Variants in PTGR1 observed in about 807,000 individuals in gnomAD.
PTGR1 encodes 15-oxoprostaglandin 13-reductase.
Under a neutral mutation model 37.7 loss-of-function variants are expected in PTGR1, and 23 were observed. The observed-to-expected ratio is 0.61, with a 90% CI of 0.44 to 0.86. The LOEUF (loss-of-function observed/expected upper bound fraction) is 0.86. Ranked by LOEUF, PTGR1 falls within the 40% of genes least tolerant of loss-of-function variation. The pLI, the probability that PTGR1 is intolerant of heterozygous loss-of-function variation, is 0.00. For missense variants in PTGR1, 351 were observed against 394.3 expected (o/e 0.89, Z 0.93); for synonymous variants, 134 against 140.0 (o/e 0.96, Z 0.30).
At position 111,563,462 on chromosome 9, in the gene PTGR1, T is replaced by C. The variant is rs1236706875; in HGVS notation, c.880-231A>G. The stretch of plus-strand genomic sequence containing the variant: ...AGAAGAAATAATAGGTGTCGGATCA[T>C]AGTGCGAAATGTCATAAGGCAGTGA... On this transcript the variant is annotated intron_variant, in intron 9 of 9. Transcript: ENST00000407693. The C allele has an allele frequency of 5.0e-5, 20 of 403,992 alleles. No homozygotes were observed. In the East Asian group the frequency reaches 7.1e-4, roughly 14 times the overall value. 25.0% of individuals were successfully genotyped at this position (403,992 alleles called of 1,614,324 possible).
At chr9:111,561,170 AGAGAGAGAAAGAG>A (rs1564608192), downstream of PTGR1, among the ~76,000 whole-genome samples, 1 of 140,506 alleles carries the variant, frequency 7.1e-6, no homozygotes, top group Admixed American at 7.2e-5. Flanking sequence ...AGAGAGAGAG[AGAGAGAGAAAGAG>A]AGAGAGATTC....
At chr9:111,550,248 A>G (rs944268365) in intron 9 of PTGR1, among the ~76,000 whole-genome samples, 1 of 152,220 alleles carries the variant, frequency 6.6e-6, no homozygotes, top group Admixed American at 6.5e-5. Flanking sequence ...CCAGAAAAAC[A>G]GGTTTCATCC....
At chr9:111,582,957 G>C (rs184701565) in intron 6 of PTGR1, among the ~76,000 whole-genome samples, 11 of 152,332 alleles carry the variant, frequency 7.2e-5, no homozygotes, top group Admixed American at 2.6e-4. Context: ...CATCAGATTG[G>C]ATCCCTTGAG....
rs568930890 is a variant in PTGR1 at position 111,571,139 on chromosome 9, T to G, written c.761-930A>C. 6.7e-5 allele frequency among the ~76,000 whole-genome samples: 10 copies of G among 149,912 alleles called. No homozygotes were observed. In the South Asian group the frequency reaches 1.9e-3, roughly 29 times the overall value. On this transcript the variant is annotated intron_variant, in intron 8 of 9. Coordinates refer to ENST00000407693, the MANE Select transcript of PTGR1 (RefSeq NM_001146108.2). ...ACAAGAATAAGTGTGTGGGGTCGGGTGCGTGGCTCATGCCTATAATCCAGC... is the reference window on the plus strand; with the variant it reads ...ACAAGAATAAGTGTGTGGGGTCGGGGGCGTGGCTCATGCCTATAATCCAGC...
chr9:111,568,964 C>T (rs557973621), intron 9 of PTGR1, among the ~76,000 whole-genome samples: 14 of 152,048 alleles, frequency 9.2e-5, no homozygotes, highest in South Asian at 6.2e-4. Flanking sequence ...GACATGGGTA[C>T]GACAGAAAGA....
chr9:111,578,003 G>C (rs910666123), intron 7 of PTGR1, among the ~76,000 whole-genome samples: 8 of 152,100 alleles, frequency 5.3e-5, no homozygotes, highest in Middle Eastern at 3.4e-3. Flanking sequence ...CGTTTTTTGG[G>C]GGGGGTGATG....
chr9:111,567,465 G>A (rs1404387352), intron 9 of PTGR1, among the ~76,000 whole-genome samples: 2 of 152,194 alleles, frequency 1.3e-5, no homozygotes, highest in African/African-American at 4.8e-5. Context: ...GATTACAAGT[G>A]TGAACCACCG....
chr9:111,587,493 G>A (rs1465898607), intron 4 of PTGR1, among the ~76,000 whole-genome samples: 1 of 152,150 alleles, frequency 6.6e-6, no homozygotes, highest in Non-Finnish European at 1.5e-5. Flanking sequence ...TCGCTCTGTT[G>A]CCTGGCTGGG....
intron 3 of PTGR1, among the ~76,000 whole-genome samples, chr9:111,593,937 T>G (rs1329344128): frequency 1.4e-5 from 2 of 146,192 alleles, no homozygotes; most frequent in African/African-American, 5.1e-5. Context: ...TTTTCCTTCT[T>G]TTTTTTTTTT....
chr9:111,592,564 TTG>T lies in PTGR1; in HGVS notation c.209+360_209+361del, dbSNP rs534165689. 45 of 178,762 alleles carry T rather than the reference TTG, an allele frequency of 2.5e-4. No individual in the cohort carries two copies. In the East Asian group the frequency reaches 5.5e-3, roughly 22 times the overall value. 11.1% of individuals were successfully genotyped at this position (178,762 alleles called of 1,614,324 possible). ...GCCCCTGGACCCAGCTTTCACTATC[TTG>T]TGTGTGTCTATTATTTCTCAACCTG... On this transcript the variant is annotated intron_variant, in intron 4 of 9. Coordinates refer to ENST00000407693, the MANE Select transcript of PTGR1 (RefSeq NM_001146108.2).
In PTGR1 at chr9:111,594,283, T is replaced by C. The variant is rs767609944; in HGVS notation, c.107-16A>G. ...AGCAGGACCTCTACAAAATAAAGCATTCCATAGGCAATTAGAAACTCAAGG... is the reference window on the plus strand; with the variant it reads ...AGCAGGACCTCTACAAAATAAAGCACTCCATAGGCAATTAGAAACTCAAGG... On this transcript the variant is annotated splice_polypyrimidine_tract_variant and intron_variant, in intron 2 of 9. Transcript: ENST00000407693. The C allele has an allele frequency of 4.3e-5, 70 of 1,610,792 alleles. No homozygotes were observed. The highest frequency in any genetic ancestry group is 1.4e-4 in the South Asian group (13 of 91,012).
rs139684617 is a variant in PTGR1 at position 111,570,493 on chromosome 9, T to C, written c.761-284A>G. On this transcript the variant is annotated intron_variant, in intron 8 of 9. Coordinates refer to ENST00000407693, the MANE Select transcript of PTGR1 (RefSeq NM_001146108.2). ...CAGATATGATTAAGAAGTTTGGGGG[T>C]GGCGCGGTGGCTCACACCTGTAATC... is the stretch of plus-strand genomic sequence containing the variant. Among the ~76,000 whole-genome samples the C allele has an allele frequency of 9.0e-3, 1,372 of 151,678 alleles. 21 individuals are homozygous for C. Among genetic ancestry groups the C allele is most frequent in the African/African-American group, 0.031 (1,302 of 41,338 alleles).
intron 7 of PTGR1, chr9:111,575,403 G>T (rs1054200536): frequency 3.3e-5 from 5 of 152,222 alleles, no homozygotes; most frequent in African/African-American, 1.2e-4. Flanking sequence ...GAGGTTCTCT[G>T]ATCAGTCCAA....
At chr9:111,557,126 G>T (rs1292043067) in intron 9 of PTGR1, among the ~76,000 whole-genome samples, 1 of 152,130 alleles carries the variant, frequency 6.6e-6, no homozygotes, top group Non-Finnish European at 1.5e-5. Flanking sequence ...CAGCATTTCC[G>T]CAGCCTTCTT....
At chr9:111,596,299 G>A (rs1022422489) in intron 2 of PTGR1, among the ~76,000 whole-genome samples, 3 of 152,158 alleles carry the variant, frequency 2.0e-5, no homozygotes, top group Non-Finnish European at 4.4e-5. Context: ...ATTAGCAAAC[G>A]TGGCACAAGT....
chr9:111,568,590 G>A (rs1828678225), intron 9 of PTGR1, among the ~76,000 whole-genome samples: 1 of 152,144 alleles, frequency 6.6e-6, no homozygotes, highest in South Asian at 2.1e-4. Flanking sequence ...TGAAGCATGT[G>A]ATCTTTGTGA....
intron 2 of PTGR1, among the ~76,000 whole-genome samples, chr9:111,595,699 T>C (rs956944599): frequency 6.6e-6 from 1 of 152,156 alleles, no homozygotes; most frequent in Non-Finnish European, 1.5e-5. Flanking sequence ...AGTGGCGCGA[T>C]CTTGGCTCAC....
intron 8 of PTGR1, among the ~76,000 whole-genome samples, chr9:111,571,229 T>C (rs574789844): frequency 1.5e-4 from 22 of 149,258 alleles, no homozygotes; most frequent in African/African-American, 4.8e-4. Context: ...CTGGCCAACA[T>C]GGTGAAACCC....
rs1829070668 is a variant in PTGR1 at position 111,576,680 on chromosome 9, G to A, written c.652-1838C>T. The A allele has an allele frequency of 1.1e-5, 4 of 359,208 alleles. No individual in the cohort carries two copies. In the East Asian group the frequency reaches 1.8e-4, roughly 16 times the overall value. The allele number at this position is 359,208 out of a possible 1,614,324, so 22.3% of individuals were successfully genotyped here. A position where few individuals can be genotyped will look rare whatever the true frequency, so the allele number is the denominator to read the frequency against. ...GTCTATGTGAGATATGTGCAAACAT[G>A]TACATATTTCCCCTAGAAGCAATGG... On this transcript the variant is annotated intron_variant, in intron 7 of 9. Transcript: ENST00000407693.
Sources: gnomAD v4.1 joint callset for allele counts (sites outside exome capture counted in the v4.1 genomes callset) on GRCh38, gnomAD v4.1.1 for gene constraint, MANE v1.5 for transcripts, NCBI Gene and HGNC (gene_info 2026-07-23, HGNC 2026-07-21) for gene names.